Variants in SNTG2 observed in about 807,000 individuals in gnomAD.
SNTG2 encodes the protein gamma-2-syntrophin.
Under a neutral mutation model 70.9 loss-of-function variants are expected in SNTG2, and 74 were observed. That is an observed-to-expected ratio of 1.04 (90% CI 0.86 to 1.27). SNTG2 has a LOEUF of 1.27. Among genes scored for constraint, SNTG2 ranks in the 50% most tolerant of loss-of-function variants. The pLI is 0.00. For synonymous variants in SNTG2, 278 were observed against 273.8 expected, an observed-to-expected ratio of 1.02 and a Z score of -0.15; for missense variants, 717 against 690.7, an observed-to-expected ratio of 1.04 and a Z score of -0.43.
At chr2:1,056,424 GCTGTGCTGT>G in intron 1 of SNTG2, among the ~76,000 whole-genome samples, 1 of 17,120 alleles carries the variant, frequency 5.8e-5, no homozygotes, top group Admixed American at 5.8e-4. Flanking sequence ...GCAGCGCCAC[GCTGTGCTGT>G]GGGGAGGGAG....
rs147359313 is a variant in SNTG2 at position 1,125,661 on chromosome 2, T to C, written c.326-11961T>C. 1.1e-3 allele frequency among the ~76,000 whole-genome samples: 163 copies of C among 151,838 alleles called. 1 individual carries two copies. The highest frequency in any genetic ancestry group is 3.9e-3 in the African/African-American group (160 of 41,146). On this transcript the variant is annotated intron_variant, in intron 4 of 16. Coordinates refer to ENST00000308624, the MANE Select transcript of SNTG2 (RefSeq NM_018968.4). Reference sequence around the variant, plus strand: ...TTTCTTAAAGATTTACAATTAAAGATTTACAGTAAATACATGTCAGCTGTT... The same window carrying C: ...TTTCTTAAAGATTTACAATTAAAGACTTACAGTAAATACATGTCAGCTGTT...
intron 1 of SNTG2, among the ~76,000 whole-genome samples, chr2:1,020,530 T>C (rs1246659461): frequency 6.6e-6 from 1 of 152,222 alleles, no homozygotes; most frequent in Non-Finnish European, 1.5e-5. Flanking sequence ...GCTGGGTCTG[T>C]GTACTCATTC....
chr2:1,314,899 G>A (rs1244259556), intron 15 of SNTG2, among the ~76,000 whole-genome samples: 1 of 152,130 alleles, frequency 6.6e-6, no homozygotes, highest in African/African-American at 2.4e-5. Context: ...CTTAGTCACT[G>A]TCACGAGAAC....
intron 11 of SNTG2, among the ~76,000 whole-genome samples, chr2:1,241,110 G>A (rs1040531306): frequency 3.9e-5 from 6 of 152,096 alleles, no homozygotes; most frequent in African/African-American, 1.2e-4. Flanking sequence ...ATTCACACAC[G>A]CAAAATTAGC....
At chr2:1,285,632 G>A (rs1679734092) in intron 14 of SNTG2, among the ~76,000 whole-genome samples, 1 of 152,212 alleles carries the variant, frequency 6.6e-6, no homozygotes, top group African/African-American at 2.4e-5. Context: ...ACATGCACAA[G>A]TATGTTTTTA....
intron 14 of SNTG2, among the ~76,000 whole-genome samples, chr2:1,305,145 G>C (rs759960439): frequency 6.6e-6 from 1 of 152,056 alleles, no homozygotes; most frequent in Non-Finnish European, 1.5e-5. Context: ...ACTGTCCTCT[G>C]TCTTCAGACA....
intron 14 of SNTG2, among the ~76,000 whole-genome samples, chr2:1,271,314 T>G (rs1410896609): frequency 6.6e-6 from 1 of 152,194 alleles, no homozygotes; most frequent in African/African-American, 2.4e-5. Context: ...TTCCTTTTTA[T>G]TGAAAAGTCA....
At chr2:1,021,758 T>A (rs1184278320) in intron 1 of SNTG2, among the ~76,000 whole-genome samples, 2 of 151,896 alleles carry the variant, frequency 1.3e-5, no homozygotes, top group East Asian at 3.9e-4. Flanking sequence ...ACTATAGGAA[T>A]GCACCACCAT....
intron 1 of SNTG2, among the ~76,000 whole-genome samples, chr2:980,265 G>A (rs1210705817): frequency 1.3e-5 from 2 of 152,154 alleles, no homozygotes; most frequent in Non-Finnish European, 2.9e-5. Context: ...TCGGTCCTGG[G>A]CCTCCTCTTT....
intron 16 of SNTG2, among the ~76,000 whole-genome samples, chr2:1,363,570 C>T (rs568494556): frequency 2.0e-5 from 3 of 152,290 alleles, no homozygotes; most frequent in East Asian, 3.9e-4. Context: ...ACACATCAGC[C>T]CATGACCGAC....
chr2:1,273,194 C>T (rs371680722), intron 14 of SNTG2, among the ~76,000 whole-genome samples: 2 of 152,290 alleles, frequency 1.3e-5, no homozygotes, highest in East Asian at 3.9e-4. Context: ...GGAGCATTCT[C>T]CCTAATGGGC....
intron 1 of SNTG2, among the ~76,000 whole-genome samples, chr2:957,692 C>T (rs1660213159): frequency 2.0e-5 from 3 of 151,814 alleles, no homozygotes; most frequent in African/African-American, 4.9e-5. Flanking sequence ...TCTTCCGGCA[C>T]ATGGAAGGCG....
chr2:1,244,990 A>G (rs1677325085), intron 11 of SNTG2, among the ~76,000 whole-genome samples: 1 of 152,010 alleles, frequency 6.6e-6, no homozygotes, highest in Admixed American at 6.6e-5. Context: ...ATGAAACTGG[A>G]AATCAACATT....
At chr2:1,197,114 A>G (rs1672956393) in intron 8 of SNTG2, among the ~76,000 whole-genome samples, 1 of 152,166 alleles carries the variant, frequency 6.6e-6, no homozygotes, top group South Asian at 2.1e-4. Flanking sequence ...GTCCTCACCT[A>G]TCAATAACTA....
intron 14 of SNTG2, among the ~76,000 whole-genome samples, chr2:1,299,299 A>G (rs1680351990): frequency 6.6e-6 from 1 of 152,202 alleles, no homozygotes; most frequent in South Asian, 2.1e-4. Context: ...GTGGCTTAAA[A>G]CAACAGAAAT....
At chr2:1,117,389 A>G (rs559866740) in intron 4 of SNTG2, among the ~76,000 whole-genome samples, 2 of 152,292 alleles carry the variant, frequency 1.3e-5, no homozygotes, top group African/African-American at 4.8e-5. Flanking sequence ...TTTAATAGAA[A>G]CAACTTTTAC....
intron 9 of SNTG2, among the ~76,000 whole-genome samples, chr2:1,218,441 G>A (rs978719483): frequency 3.3e-5 from 5 of 152,168 alleles, no homozygotes; most frequent in Admixed American, 6.5e-5. Context: ...CCCATAGCAC[G>A]TCCACGCTTC....
chr2:1,015,504 G>A (rs1659862979), intron 1 of SNTG2, among the ~76,000 whole-genome samples: 1 of 152,098 alleles, frequency 6.6e-6, no homozygotes, highest in African/African-American at 2.4e-5. Context: ...AAACAATAAG[G>A]CAGTGTCATA....
intron 8 of SNTG2, among the ~76,000 whole-genome samples, chr2:1,179,920 A>T (rs1671747532): frequency 2.1e-5 from 3 of 140,970 alleles, no homozygotes; most frequent in Non-Finnish European, 4.6e-5. Context: ...CCGTGTATCT[A>T]CAACTATCTG....
Sources: allele counts gnomAD v4.1 joint callset (sites outside exome capture counted in the v4.1 genomes callset), GRCh38; gene constraint gnomAD v4.1.1; transcripts MANE v1.5; gene names NCBI Gene and HGNC (gene_info 2026-07-23, HGNC 2026-07-21).